The following TENM3 variants were observed in gnomAD, a reference collection of about 807,000 sequenced individuals.
TENM3 encodes teneurin-3.
A neutral mutation model predicts 255.1 loss-of-function variants in TENM3; 63 were observed. That is an observed-to-expected ratio of 0.25 (90% CI 0.20 to 0.30). TENM3 has a LOEUF of 0.30. TENM3 is among the 10% of genes least tolerant of loss of function. The pLI, the probability that TENM3 is intolerant of heterozygous loss-of-function variation, is 1.00. For missense variants in TENM3, 2,929 were observed against 3,461.1 expected (o/e 0.85, Z 3.86); for synonymous variants, 1,306 against 1,322.3 (o/e 0.99, Z 0.27).
the TENM3 span, among the ~76,000 whole-genome samples, chr4:181,895,333 A>C: frequency 2.6e-5 from 4 of 152,008 alleles, no homozygotes; most frequent in Non-Finnish European, 5.9e-5. Flanking sequence ...TCCATGAGGC[A>C]AACAATAAGT....
At position 182,612,410 on chromosome 4, in the gene TENM3, C is replaced by T. The variant is rs530201729; in HGVS notation, c.749+11249C>T. Among the ~76,000 whole-genome samples the T allele has an allele frequency of 9.9e-5, 15 of 152,252 alleles. No individual in the cohort carries two copies. The South Asian group carries it at 2.7e-3, about 27-fold the overall frequency. On this transcript the variant is annotated intron_variant, in intron 4 of 27. Transcript: ENST00000511685. The stretch of plus-strand genomic sequence containing the variant: ...AGCATCACTGTCAACTCCTCTTCTC[C>T]TTTTCTCAGGATCCTCAGGCATTAG...
intron 1 of TENM3, among the ~76,000 whole-genome samples, chr4:182,260,022 C>T (rs562775558): frequency 4.6e-5 from 7 of 152,194 alleles, no homozygotes; most frequent in Non-Finnish European, 8.8e-5. Flanking sequence ...TTTCACGTAA[C>T]GTAATGTCCT....
At chr4:182,005,983 T>C in the TENM3 span, among the ~76,000 whole-genome samples, 1 of 152,164 alleles carries the variant, frequency 6.6e-6, no homozygotes, top group Non-Finnish European at 1.5e-5. Context: ...CAATGGGGTT[T>C]TCTAAACATA....
intron 1 of TENM3, among the ~76,000 whole-genome samples, chr4:182,157,976 T>C (rs1030384949): frequency 2.6e-5 from 4 of 152,246 alleles, no homozygotes; most frequent in South Asian, 4.1e-4. Flanking sequence ...GTCCTTTTTT[T>C]CCCCATTTTT....
At chr4:181,739,152 G>A in the TENM3 span, among the ~76,000 whole-genome samples, 63 of 152,296 alleles carry the variant, frequency 4.1e-4, no homozygotes, top group Admixed American at 1.5e-3. Context: ...GAAAACTCCT[G>A]TCTGTCCTTG....
intron 3 of TENM3, among the ~76,000 whole-genome samples, chr4:182,462,172 G>T (rs2151394834): frequency 6.6e-6 from 1 of 151,026 alleles, no homozygotes; most frequent in Non-Finnish European, 1.5e-5. Context: ...AGGCTGTAAT[G>T]ATCCTCCTGC....
intron 4 of TENM3, among the ~76,000 whole-genome samples, chr4:182,622,013 A>G (rs1397467606): frequency 1.3e-5 from 2 of 151,298 alleles, no homozygotes; most frequent in African/African-American, 4.9e-5. Context: ...TGATTTTAGA[A>G]TATTACATCT....
the TENM3 span, among the ~76,000 whole-genome samples, chr4:181,628,742 T>G: frequency 4.6e-5 from 7 of 152,318 alleles, no homozygotes; most frequent in Non-Finnish European, 7.3e-5. Context: ...TGTAGCCTTG[T>G]AGTATAGTTT....
intron 3 of TENM3, among the ~76,000 whole-genome samples, chr4:182,506,430 A>G (rs1051652356): frequency 2.0e-5 from 3 of 152,224 alleles, no homozygotes; most frequent in Admixed American, 6.5e-5. Flanking sequence ...AATAAGGAGA[A>G]GTAACGTAGG....
intron 3 of TENM3, among the ~76,000 whole-genome samples, chr4:182,490,806 C>G (rs1282044707): frequency 6.6e-6 from 1 of 152,064 alleles, no homozygotes; most frequent in East Asian, 1.9e-4. Flanking sequence ...CTGGGGAGCA[C>G]CAGCTCACAC....
At chr4:181,590,271 A>G in the TENM3 span, among the ~76,000 whole-genome samples, 1 of 152,172 alleles carries the variant, frequency 6.6e-6, no homozygotes, top group South Asian at 2.1e-4. Flanking sequence ...GGCTCCTGGG[A>G]AAAAGCATCA....
the TENM3 span, among the ~76,000 whole-genome samples, chr4:181,801,356 A>C: frequency 3.5e-4 from 53 of 152,232 alleles, no homozygotes; most frequent in African/African-American, 1.2e-3. Context: ...GAAAAGTACT[A>C]TTGTATTGCC....
At chr4:181,907,320 A>G in the TENM3 span, among the ~76,000 whole-genome samples, 2 of 152,204 alleles carry the variant, frequency 1.3e-5, no homozygotes, top group African/African-American at 4.8e-5. Context: ...GGAAGATCCC[A>G]TGTGTCCCTA....
chr4:181,814,939 T>C, the TENM3 span, among the ~76,000 whole-genome samples: 1 of 151,498 alleles, frequency 6.6e-6, no homozygotes, highest in Non-Finnish European at 1.5e-5. Flanking sequence ...TAAAAATTGG[T>C]GCTAATGAAA....
At chr4:182,208,812 T>C (rs1754758529) in intron 1 of TENM3, among the ~76,000 whole-genome samples, 1 of 152,202 alleles carries the variant, frequency 6.6e-6, no homozygotes. Context: ...CCAGAGGTTC[T>C]CAGGCTCATC....
chr4:182,075,349 T>C, the TENM3 span, among the ~76,000 whole-genome samples: 1 of 151,896 alleles, frequency 6.6e-6, no homozygotes, highest in South Asian at 2.1e-4. Flanking sequence ...CAGGCACATG[T>C]CACCACACCC....
the TENM3 span, among the ~76,000 whole-genome samples, chr4:181,478,658 C>T: frequency 2.6e-3 from 397 of 152,286 alleles, 3 homozygotes; most frequent in African/African-American, 9.2e-3. Flanking sequence ...AACACTTTCT[C>T]TTCAGCATAC....
chr4:182,508,780 C>T (rs1195013477), intron 3 of TENM3, among the ~76,000 whole-genome samples: 1 of 152,162 alleles, frequency 6.6e-6, no homozygotes, highest in African/African-American at 2.4e-5. Flanking sequence ...CTTAGACTTT[C>T]AATTAAGCTT....
intron 3 of TENM3, among the ~76,000 whole-genome samples, chr4:182,395,519 A>T (rs1224749457): frequency 6.6e-6 from 1 of 152,178 alleles, no homozygotes; most frequent in Non-Finnish European, 1.5e-5. Context: ...CAATGCTGAG[A>T]TATTATGTTT....
Sources: allele counts gnomAD v4.1 joint callset (sites outside exome capture counted in the v4.1 genomes callset), GRCh38; gene constraint gnomAD v4.1.1; transcripts MANE v1.5; gene names NCBI Gene and HGNC (gene_info 2026-07-23, HGNC 2026-07-21).